The following TVP23C variants were observed in gnomAD, a reference collection of about 807,000 sequenced individuals.
TVP23C encodes Golgi apparatus membrane protein TVP23 homolog C.
A neutral mutation model predicts 28.7 loss-of-function variants in TVP23C; 19 were observed. The ratio of observed to expected loss-of-function variants is 0.66; its 90% CI spans 0.46 to 0.97. The LOEUF (loss-of-function observed/expected upper bound fraction) is 0.97, where lower values mean the gene tolerates loss of function less well. Among genes scored for constraint, TVP23C ranks in the 50% least tolerant of loss-of-function variants. The pLI, the probability that TVP23C is intolerant of heterozygous loss-of-function variation, is 0.00. For synonymous variants in TVP23C, 68 were observed against 81.7 expected, an observed-to-expected ratio of 0.83 and a Z score of 0.90; for missense variants, 186 against 241.3, an observed-to-expected ratio of 0.77 and a Z score of 1.52.
At chr17:15,556,154 T>C (rs1984122202) in intron 1 of TVP23C, among the ~76,000 whole-genome samples, 2 of 152,134 alleles carry the variant, frequency 1.3e-5, no homozygotes, top group African/African-American at 4.8e-5. Context: ...TGACCTCAGG[T>C]GATCTGTCCG....
intron 5 of TVP23C, among the ~76,000 whole-genome samples, chr17:15,507,698 G>C (rs1981822345): frequency 6.6e-6 from 1 of 152,094 alleles, no homozygotes; most frequent in South Asian, 2.1e-4. Flanking sequence ...AATTAGCCGG[G>C]TCTGGTGGCG....
rs571727864 is a variant in TVP23C, at chr17:15,519,109, C to T, written c.463-15877G>A. ...GCCTCCCCAGCCATGCAGAACTGTC[C>T]ACTACACCGCTTCTTTTTATAAATT... On this transcript the variant is annotated intron_variant, in intron 5 of 5. Transcript: ENST00000225576. Among the ~76,000 whole-genome samples, 149 of 152,194 alleles carry T rather than the reference C, an allele frequency of 9.8e-4. 3 individuals carry two copies. In the South Asian group the frequency reaches 0.03, roughly 31 times the overall value.
At chr17:15,520,484 A>C (rs1409271562) in intron 5 of TVP23C, among the ~76,000 whole-genome samples, 1 of 140,658 alleles carries the variant, frequency 7.1e-6, no homozygotes. Flanking sequence ...TCCAGGTAGA[A>C]AGCCAAGGCA....
In TVP23C at chr17:15,523,921, A is replaced by G. The variant is rs58067174; in HGVS notation, c.463-20689T>C. On this transcript the variant is annotated intron_variant, in intron 5 of 5. Transcript: ENST00000225576. ...AGCCACCGCGCCCAGCCGCCAGAAG[A>G]TATTTTTAACATGCCAAGAAGACAA... Among the ~76,000 whole-genome samples the G allele has an allele frequency of 2.2e-3, 340 of 152,346 alleles. 1 individual carries two copies. Among genetic ancestry groups the G allele is most frequent in the African/African-American group, 8.0e-3 (333 of 41,572 alleles).
At chr17:15,505,062 G>A (rs961559895) in intron 5 of TVP23C, among the ~76,000 whole-genome samples, 2 of 152,130 alleles carry the variant, frequency 1.3e-5, no homozygotes, top group Non-Finnish European at 2.9e-5. Flanking sequence ...CACATTCAAC[G>A]CATGTGTGTT....
rs143762135 is a variant in TVP23C, at chr17:15,503,168, G to C, written c.527C>G (p.Ser176Cys). ...TGTTATCCCAGCGCTTTGGAAGGCG[G>C]AAGCGGGAGGATCTCTTGAGCCCAA... is the stretch of plus-strand genomic sequence containing the variant. The change falls in exon 6 of 6, where the codon TCC becomes TGC. Residue 176 changes from serine (S) to cysteine (C), a missense_variant. Transcript: ENST00000225576. 57 of 1,588,602 alleles carry C rather than the reference G, an allele frequency of 3.6e-5. No homozygotes were observed. The African/African-American group carries it at 7.0e-4, about 19-fold the overall frequency.
Position 15,518,607 on chromosome 17 carries a change from A to C in TVP23C, c.463-15375T>G, listed in dbSNP as rs192248516. 1.2e-4 allele frequency among the ~76,000 whole-genome samples: 19 copies of C among 152,336 alleles called. No individual in the cohort carries two copies. The East Asian group carries it at 3.7e-3, about 29-fold the overall frequency. ...TTTAGTTCTGGGATGACAAACAGAC[A>C]GTGTCTGTGCTAACTGTAATTAATT... On this transcript the variant is annotated intron_variant, in intron 5 of 5. Coordinates refer to the TVP23C transcript ENST00000225576.
Position 15,547,102 on chromosome 17 carries a change from A to G in TVP23C, c.287T>C (p.Ile96Thr). Residue 96 changes from isoleucine (I) to threonine (T), a missense_variant, in exon 4 of 6, where the codon ATT (isoleucine) becomes ACT (threonine). This residue lies in a region of TVP23C where 20 missense variants were observed against 51.0 expected (regional missense o/e 0.39). Transcript: ENST00000518321. The stretch of plus-strand genomic sequence containing the variant: ...CCAATGGCTCTTTCCATCTTCATCA[A>G]TGTGATTCCACCAACGTAGGCCAAC... Reference protein sequence around the residue: ...LMVGLRWWNHIDEDGKSHWVF... With the variant: ...LMVGLRWWNHTDEDGKSHWVF... The G allele has an allele frequency of 6.2e-7, 1 of 1,609,602 alleles. No homozygotes were observed. The highest frequency in any genetic ancestry group is 1.1e-5 in the South Asian group (1 of 90,004).
intron 5 of TVP23C, among the ~76,000 whole-genome samples, chr17:15,520,963 A>C (rs1177490278): frequency 6.6e-6 from 1 of 151,426 alleles, no homozygotes; most frequent in Non-Finnish European, 1.5e-5. Context: ...AATACTACTA[A>C]TGATAGCAAC....
chr17:15,502,577 A>C (rs1465463717), exon 6 of TVP23C: 1 of 364,612 alleles, frequency 2.7e-6, no homozygotes, highest in Non-Finnish European at 4.8e-6. Flanking sequence ...TCGGGGCCGC[A>C]TGGCCCTGCC....
intron 5 of TVP23C, among the ~76,000 whole-genome samples, chr17:15,510,550 G>T (rs892489244): frequency 6.6e-6 from 1 of 152,098 alleles, no homozygotes; most frequent in Non-Finnish European, 1.5e-5. Flanking sequence ...CTGGCTAAGA[G>T]CCCAGTTACC....
At chr17:15,504,427 A>G (rs1317815150) in intron 5 of TVP23C, among the ~76,000 whole-genome samples, 1 of 152,182 alleles carries the variant, frequency 6.6e-6, no homozygotes, top group African/African-American at 2.4e-5. Flanking sequence ...CTTGGATATG[A>G]ACATAAAAAT....
chr17:15,541,402 A>G (rs1421669784), intron 5 of TVP23C, among the ~76,000 whole-genome samples: 1 of 152,162 alleles, frequency 6.6e-6, no homozygotes, highest in African/African-American at 2.4e-5. Context: ...AGGCAGCCAT[A>G]GACAATATAT....
intron 1 of TVP23C, among the ~76,000 whole-genome samples, chr17:15,561,630 GAATAAATA>G (rs374284414): frequency 0.013 from 1,768 of 131,580 alleles, 13 homozygotes; most frequent in African/African-American, 0.047. Flanking sequence ...ATGAATGAAT[GAATAAATA>G]AATAAATAAA....
At chr17:15,510,164 TTC>T (rs1981939097) in intron 5 of TVP23C, among the ~76,000 whole-genome samples, 2 of 152,204 alleles carry the variant, frequency 1.3e-5, no homozygotes, top group Non-Finnish European at 2.9e-5. Context: ...CAGGAAATGT[TTC>T]TGTTTGCTTT....
intron 2 of TVP23C, among the ~76,000 whole-genome samples, chr17:15,554,627 A>G (rs1281663765): frequency 6.6e-6 from 1 of 152,196 alleles, no homozygotes. Flanking sequence ...GGTTTTTAGT[A>G]CATTCACAGA....
chr17:15,552,677 TC>T (rs1983947130), intron 3 of TVP23C, among the ~76,000 whole-genome samples: 1 of 150,812 alleles, frequency 6.6e-6, no homozygotes, highest in African/African-American at 2.4e-5. Flanking sequence ...AAAGTGAAAC[TC>T]CGTCTCAAAA....
chr17:15,514,108 G>A (rs959161308), intron 5 of TVP23C, among the ~76,000 whole-genome samples: 2 of 152,198 alleles, frequency 1.3e-5, no homozygotes, highest in African/African-American at 4.8e-5. Context: ...ACTTGCTTAG[G>A]AGCAGAGGCT....
At chr17:15,525,609 T>G (rs1982686212) in intron 5 of TVP23C, among the ~76,000 whole-genome samples, 1 of 152,218 alleles carries the variant, frequency 6.6e-6, no homozygotes. Flanking sequence ...CTACAGAATT[T>G]GGATTTGTCA....
Sources: gnomAD v4.1 joint callset for allele counts (sites outside exome capture counted in the v4.1 genomes callset) on GRCh38, gnomAD v4.1.1 for gene constraint, gnomAD v4.1.1 regional missense constraint, MANE v1.5 for transcripts, NCBI Gene and HGNC (gene_info 2026-07-23, HGNC 2026-07-21) for gene names.